The following EPAS1 variants were observed in gnomAD, a reference collection of about 807,000 sequenced individuals.
EPAS1 encodes endothelial PAS domain protein 1.
A neutral mutation model predicts 87.9 loss-of-function variants in EPAS1; 23 were observed. The observed-to-expected ratio is 0.26, with a 90% CI of 0.19 to 0.37. The LOEUF (loss-of-function observed/expected upper bound fraction) is 0.37, where lower values mean the gene tolerates loss of function less well. EPAS1 is among the 10% of genes least tolerant of loss of function. The pLI is 1.00. For synonymous variants in EPAS1, 508 were observed against 444.3 expected, an observed-to-expected ratio of 1.14 and a Z score of -1.80; for missense variants, 1,138 against 1,120.7, an observed-to-expected ratio of 1.02 and a Z score of -0.22.
At chr2:46,313,122 G>T (rs1683245940) in intron 1 of EPAS1, among the ~76,000 whole-genome samples, 3 of 152,198 alleles carry the variant, frequency 2.0e-5, no homozygotes, top group Admixed American at 1.3e-4. Context: ...ACACCTAAAA[G>T]ATACCTTGTC....
chr2:46,355,657 G>C (rs1558599848), intron 2 of EPAS1, among the ~76,000 whole-genome samples: 1 of 152,214 alleles, frequency 6.6e-6, no homozygotes, highest in Non-Finnish European at 1.5e-5. Context: ...TTTGATTGAT[G>C]TTTGCACTGG....
rs150597114 is a variant in EPAS1 at position 46,380,314 on chromosome 2, G to A, written c.1642G>A (p.Glu548Lys). The A allele has an allele frequency of 1.4e-5, 22 of 1,613,958 alleles. No individual in the cohort carries two copies. The highest frequency in any genetic ancestry group is 4.4e-5 in the South Asian group (4 of 91,086). ...CTTCCAGCTAAGCCCCATCTGCCCC[G>A]AGGAGCGGCTCTTGGCGGAGAACCC... is the stretch of plus-strand genomic sequence containing the variant. Reference protein sequence around the residue: ...EDFQLSPICPEERLLAENPQS... With the variant: ...EDFQLSPICPKERLLAENPQS... The change falls in exon 12 of 16, where the codon GAG (glutamate) becomes AAG (lysine). Residue 548 changes from glutamate to lysine, a missense_variant. Around this residue, in one of 4 missense-constraint regions of EPAS1, gnomAD observed 502 missense variants for 427.1 expected, o/e 1.18. Transcript: ENST00000263734. This position sits in a 1 kb window ranked among gnomAD's most constrained non-coding sequence, Gnocchi z 4.4.
Position 46,297,816 on chromosome 2 carries a change from GC to G in EPAS1, c.-93del, listed in dbSNP as rs1179796531. On this transcript the variant is annotated 5_prime_UTR_variant, in exon 1 of 16. Transcript: ENST00000263734. The stretch of plus-strand genomic sequence containing the variant: ...CGCGCACCTCGGACCTTCACCACCC[GC>G]CCGGGCCGCGGGGAGCGGACGAGGG... The G allele has an allele frequency of 1.4e-5, 22 of 1,533,760 alleles. No individual in the cohort carries two copies. Among genetic ancestry groups the G allele is most frequent in the Non-Finnish European group, 1.9e-5 (21 of 1,132,820 alleles).
chr2:46,384,612 G>GC lies in EPAS1; in HGVS notation c.2566dup (p.Leu856ProfsTer46), dbSNP rs1558614363. On this transcript the variant is annotated frameshift_variant, in exon 16 of 16. Transcript: ENST00000263734. LOFTEE classifies it high-confidence loss of function. ...ACGTGCCCGTGCTGGGAAGCTCCAC[G>GC]CTCCTGCAAGGAGGGGACCTCCTCA... 6.2e-7 allele frequency: 1 copy of GC among 1,614,078 alleles called. No individual in the cohort carries two copies. Among genetic ancestry groups the GC allele is most frequent in the African/African-American group, 1.3e-5 (1 of 75,038 alleles).
chr2:46,331,113 C>T (rs142043349), intron 1 of EPAS1, among the ~76,000 whole-genome samples: 288 of 152,300 alleles, frequency 1.9e-3, no homozygotes, highest in African/African-American at 6.5e-3. Context: ...CACTCATAGA[C>T]GCTGAGGTTT....
Position 46,371,876 on chromosome 2 carries a change from T to C in EPAS1, c.886+1943T>C, listed in dbSNP as rs193237031. Reference sequence around the variant, plus strand: ...CAAATGTAAAAATTTCTGGGAATTCTTGGAGGACAGTATTACCTTTTATCT... The same window carrying C: ...CAAATGTAAAAATTTCTGGGAATTCCTGGAGGACAGTATTACCTTTTATCT... On this transcript the variant is annotated intron_variant, in intron 7 of 15. Transcript: ENST00000263734. The surrounding 1 kb of genome is among the most constrained non-coding windows in gnomAD (Gnocchi z 4.3). Among the ~76,000 whole-genome samples, 3 of 152,332 alleles carry C rather than the reference T, an allele frequency of 2.0e-5. No individual in the cohort carries two copies. The highest frequency in any genetic ancestry group is 6.5e-5 in the Admixed American group (1 of 15,292).
intron 1 of EPAS1, among the ~76,000 whole-genome samples, chr2:46,322,989 A>G (rs1012118386): frequency 6.6e-6 from 1 of 152,224 alleles, no homozygotes; most frequent in Non-Finnish European, 1.5e-5. Context: ...AGACATTACC[A>G]AGGAATCAAT....
At chr2:46,378,176 C>G in intron 10 of EPAS1, 89 bp downstream of exon 10, 1 of 1,522,562 alleles carries the variant, frequency 6.6e-7, no homozygotes, top group Non-Finnish European at 8.8e-7. Context: ...GGGACAGGTA[C>G]TGTCCTTCTC....
Position 46,381,588 on chromosome 2 carries a change from C to G in EPAS1, c.2046-8C>G. The G allele has an allele frequency of 6.2e-7, 1 of 1,613,970 alleles. No homozygotes were observed. The highest frequency in any genetic ancestry group is 8.5e-7 in the Non-Finnish European group (1 of 1,180,030). ...CTCCCTCATAGCCTGCTCTCTCGGG[C>G]TTGGCAGGTCTGCAAAGGGTTTTGG... On this transcript the variant is annotated splice_polypyrimidine_tract_variant and splice_region_variant and intron_variant, in intron 12 of 15. Coordinates refer to ENST00000263734, the MANE Select transcript of EPAS1 (RefSeq NM_001430.5).
chr2:46,376,443 TCGGAGAGC>T (rs1684749348), intron 8 of EPAS1, 88 bp from the exon 9 acceptor site: 1 of 1,219,284 alleles, frequency 8.2e-7, no homozygotes. Context: ...CCATTTTTTG[TCGGAGAGC>T]TTAGCTATGA....
chr2:46,350,505 G>A (rs10187368), intron 2 of EPAS1, among the ~76,000 whole-genome samples: 28,614 of 152,184 alleles, frequency 0.19, 2,947 homozygotes, highest in Admixed American at 0.27. Context: ...ATTGAGATTC[G>A]TATCACAGGA....
At chr2:46,322,102 G>T (rs1030424258) in intron 1 of EPAS1, among the ~76,000 whole-genome samples, 15 of 151,966 alleles carry the variant, frequency 9.9e-5, no homozygotes, top group Non-Finnish European at 2.2e-4. Context: ...CGGAATCCTG[G>T]GCCCACTTTC....
chr2:46,308,377 G>A lies in EPAS1; in HGVS notation c.26+10440G>A, dbSNP rs139118252. On this transcript the variant is annotated intron_variant, in intron 1 of 15. Coordinates refer to ENST00000263734, the MANE Select transcript of EPAS1 (RefSeq NM_001430.5). ...ATCTAATGACACTTTATTTGTTTTT[G>A]CCTTTCTAACAATATAGCATGTTCC... is the stretch of plus-strand genomic sequence containing the variant. Among the ~76,000 whole-genome samples, 1,400 of 144,454 alleles carry A rather than the reference G, an allele frequency of 9.7e-3. 25 individuals carry two copies. The highest frequency in any genetic ancestry group is 0.031 in the African/African-American group (1,261 of 40,034). 94.8% of individuals were successfully genotyped at this position (144,454 alleles called of 152,430 possible). A position where few individuals can be genotyped will look rare whatever the true frequency, so the allele number is the denominator to read the frequency against.
In EPAS1 at chr2:46,307,163, C is replaced by T. The variant is rs1343776618; in HGVS notation, c.26+9226C>T. Among the ~76,000 whole-genome samples the T allele has an allele frequency of 3.9e-5, 6 of 152,182 alleles. No individual in the cohort carries two copies. In the South Asian group the frequency reaches 8.3e-4, roughly 21 times the overall value. ...TCCAAGAGTTCTCAGATGCTATTTT[C>T]GAATGGCAGCGTTCACTCCAGAGCT... On this transcript the variant is annotated intron_variant, in intron 1 of 15. Coordinates refer to ENST00000263734, the MANE Select transcript of EPAS1 (RefSeq NM_001430.5).
Position 46,356,200 on chromosome 2 carries a change from C to T in EPAS1, c.267C>T (p.Asn89=), listed in dbSNP as rs1456272888. ...SEAEADQQMD[N]LYLKALEGFI... is the part of the protein sequence containing the mutation. ...CCGAAGCTGACCAGCAGATGGACAA[C>T]TTGTACCTGAAAGCCTTGGAGGGTT... The change falls in exon 3 of 16, where the codon AAC becomes AAT. Residue 89 remains asparagine (N), a synonymous_variant. Transcript: ENST00000263734. The T allele has an allele frequency of 1.3e-6, 2 of 1,583,912 alleles. No individual in the cohort carries two copies. The highest frequency in any genetic ancestry group is 1.7e-6 in the Non-Finnish European group (2 of 1,163,036).
intron 14 of EPAS1, 128 bp downstream of exon 14, chr2:46,382,217 C>T (rs1175298665): frequency 2.7e-5 from 29 of 1,062,062 alleles, no homozygotes; most frequent in East Asian, 5.1e-5. Context: ...TAGAATGGGG[C>T]GATGTCCTCT....
At chr2:46,376,891 T>G (rs1572646816) in intron 9 of EPAS1, 138 bp downstream of exon 9, 2 of 873,506 alleles carry the variant, frequency 2.3e-6, no homozygotes, top group East Asian at 5.3e-5. Flanking sequence ...TAATCACCTG[T>G]TAGAGGCCAG....
At chr2:46,378,360 G>C (rs973867697) in intron 10 of EPAS1, among the ~76,000 whole-genome samples, 1 of 152,230 alleles carries the variant, frequency 6.6e-6, no homozygotes, top group Non-Finnish European at 1.5e-5. Context: ...GTGGCACAGA[G>C]CTGCACAGTT....
intron 1 of EPAS1, among the ~76,000 whole-genome samples, chr2:46,329,306 G>A (rs754676875): frequency 3.3e-5 from 5 of 152,118 alleles, no homozygotes; most frequent in Non-Finnish European, 4.4e-5. Flanking sequence ...TCTTTCCTAG[G>A]ACTCAGCACC....
Sources: gnomAD v4.1 joint callset for allele counts (sites outside exome capture counted in the v4.1 genomes callset) on GRCh38, gnomAD v4.1.1 for gene constraint, gnomAD v4.1.1 regional missense constraint, Gnocchi (gnomAD v3.1) non-coding constraint, MANE v1.5 for transcripts, NCBI Gene and HGNC (gene_info 2026-07-23, HGNC 2026-07-21) for gene names.